FSTL5: variants seen among roughly 807,000 people sequenced by gnomAD.
FSTL5 encodes follistatin-related protein 5.
In FSTL5, 62 loss-of-function variants were observed where a neutral mutation model predicts 89.1. That is an observed-to-expected ratio of 0.70 (90% CI 0.57 to 0.86). The LOEUF (loss-of-function observed/expected upper bound fraction) is 0.86. Among genes scored for constraint, FSTL5 ranks in the 40% least tolerant of loss-of-function variants. The pLI, the probability that FSTL5 is intolerant of heterozygous loss-of-function variation, is 0.00. For missense variants in FSTL5, 1,057 were observed against 1,001.6 expected, an observed-to-expected ratio of 1.06 and a Z score of -0.75; for synonymous variants, 383 against 346.2, an observed-to-expected ratio of 1.11 and a Z score of -1.18.
chr4:161,845,456 A>G (rs1044351151), intron 4 of FSTL5, among the ~76,000 whole-genome samples: 2 of 152,202 alleles, frequency 1.3e-5, no homozygotes, highest in Admixed American at 6.5e-5. Flanking sequence ...TTAATAGACA[A>G]TTGGATTTCT....
intron 2 of FSTL5, among the ~76,000 whole-genome samples, chr4:162,041,429 A>G (rs527443803): frequency 2.0e-5 from 3 of 152,078 alleles, no homozygotes; most frequent in Admixed American, 6.6e-5. Context: ...AAATGAAAGT[A>G]ATTTTCTTAT....
intron 6 of FSTL5, among the ~76,000 whole-genome samples, chr4:161,712,901 G>A (rs965393325): frequency 7.2e-5 from 11 of 152,044 alleles, no homozygotes; most frequent in African/African-American, 2.7e-4. Context: ...CTTCCACCAT[G>A]ATTGTAAGCT....
At chr4:161,545,617 G>T (rs1168071911) in intron 8 of FSTL5, among the ~76,000 whole-genome samples, 1 of 151,858 alleles carries the variant, frequency 6.6e-6, no homozygotes, top group African/African-American at 2.4e-5. Context: ...AAGTAAATGG[G>T]CTTAGTATTG....
chr4:161,811,262 T>C (rs553723281), intron 4 of FSTL5, among the ~76,000 whole-genome samples: 17 of 152,048 alleles, frequency 1.1e-4, no homozygotes, highest in Admixed American at 2.0e-4. Context: ...AATGGAGAAG[T>C]ACAATTTTAT....
chr4:162,097,561 C>T (rs1264615533), intron 2 of FSTL5, among the ~76,000 whole-genome samples: 1 of 151,566 alleles, frequency 6.6e-6, no homozygotes, highest in Non-Finnish European at 1.5e-5. Context: ...GTAAGTATTC[C>T]TATAAGCTAA....
intron 5 of FSTL5, among the ~76,000 whole-genome samples, chr4:161,768,991 A>T (rs1741112741): frequency 6.6e-6 from 1 of 151,990 alleles, no homozygotes; most frequent in Admixed American, 6.6e-5. Flanking sequence ...AATAAAAATC[A>T]GAGATGAAAA....
intron 2 of FSTL5, among the ~76,000 whole-genome samples, chr4:162,084,705 T>A (rs12108280): frequency 0.038 from 5,830 of 152,056 alleles, 163 homozygotes; most frequent in South Asian, 0.096. Context: ...TTCTCACTCA[T>A]AAGTGAGAGT....
chr4:161,591,894 G>C (rs1229776804), intron 7 of FSTL5, among the ~76,000 whole-genome samples: 1 of 152,158 alleles, frequency 6.6e-6, no homozygotes, highest in Non-Finnish European at 1.5e-5. Flanking sequence ...AGTTCCATTT[G>C]GCCTCTAATT....
At chr4:161,868,193 A>T (rs1230990632) in intron 4 of FSTL5, among the ~76,000 whole-genome samples, 1 of 152,210 alleles carries the variant, frequency 6.6e-6, no homozygotes, top group Non-Finnish European at 1.5e-5. Context: ...TTGAAATGAA[A>T]TAGAAATACT....
chr4:161,535,546 C>T (rs985504485), intron 10 of FSTL5, among the ~76,000 whole-genome samples: 3 of 152,028 alleles, frequency 2.0e-5, no homozygotes, highest in African/African-American at 4.8e-5. Flanking sequence ...TATCATCGCA[C>T]ACCAGTCAGA....
intron 8 of FSTL5, among the ~76,000 whole-genome samples, chr4:161,577,321 A>T (rs1733254117): frequency 6.6e-6 from 1 of 152,116 alleles, no homozygotes; most frequent in African/African-American, 2.4e-5. Flanking sequence ...GAAAATTGAC[A>T]TGATAGAGAA....
intron 2 of FSTL5, among the ~76,000 whole-genome samples, chr4:162,037,218 T>C (rs995937600): frequency 6.6e-6 from 1 of 151,784 alleles, no homozygotes; most frequent in African/African-American, 2.4e-5. Flanking sequence ...AAAATTTAGA[T>C]AGAAAGAAGA....
At chr4:161,972,911 T>C (rs936001536) in intron 3 of FSTL5, among the ~76,000 whole-genome samples, 9 of 152,202 alleles carry the variant, frequency 5.9e-5, no homozygotes, top group Non-Finnish European at 8.8e-5. Context: ...TTTACACACT[T>C]GTTTATAAAA....
At chr4:162,012,449 C>T (rs1208566769) in intron 3 of FSTL5, among the ~76,000 whole-genome samples, 1 of 152,012 alleles carries the variant, frequency 6.6e-6, no homozygotes, top group Admixed American at 6.6e-5. Flanking sequence ...TGGATTATTA[C>T]TGAATAGAAA....
Position 161,636,453 on chromosome 4 carries a change from T to C in FSTL5, c.894+19875A>G, listed in dbSNP as rs1191830235. On this transcript the variant is annotated intron_variant, in intron 7 of 15. Coordinates refer to ENST00000306100, the MANE Select transcript of FSTL5 (RefSeq NM_020116.5). ...TTTTGAATTCTGGCAGTTGTTTTTTTTTTTTTCTTTTTTTTTTTTTTATTA... is the reference window on the plus strand; with the variant it reads ...TTTTGAATTCTGGCAGTTGTTTTTTCTTTTTTCTTTTTTTTTTTTTTATTA... 5.4e-5 allele frequency among the ~76,000 whole-genome samples: 5 copies of C among 92,400 alleles called. No homozygotes were observed. In the East Asian group the frequency reaches 1.2e-3, roughly 23 times the overall value. The allele number at this position is 92,400 out of a possible 152,430, so 60.6% of individuals were successfully genotyped here.
intron 10 of FSTL5, among the ~76,000 whole-genome samples, chr4:161,513,275 GAGAGAGAGA>G (rs1560932048): frequency 2.7e-3 from 15 of 5,566 alleles, no homozygotes; most frequent in South Asian, 6.2e-3. Context: ...AGGAGGGGGA[GAGAGAGAGA>G]GAGAGAGAGA....
chr4:161,634,952 G>A (rs4434201), intron 7 of FSTL5, among the ~76,000 whole-genome samples: 26,192 of 151,994 alleles, frequency 0.17, 2,353 homozygotes, highest in Middle Eastern at 0.32. Flanking sequence ...TAATCCTTTC[G>A]CAATGTATAT....
chr4:161,614,459 G>A (rs1734769378), intron 7 of FSTL5, among the ~76,000 whole-genome samples: 1 of 152,122 alleles, frequency 6.6e-6, no homozygotes, highest in African/African-American at 2.4e-5. Context: ...CATTAAATCA[G>A]AAGTATGAAA....
intron 4 of FSTL5, among the ~76,000 whole-genome samples, chr4:161,877,392 T>C (rs1179435499): frequency 7.0e-6 from 1 of 142,084 alleles, no homozygotes; most frequent in Non-Finnish European, 1.5e-5. Context: ...AAAATTACTA[T>C]GATAATATAG....
Sources: gnomAD v4.1 joint callset for allele counts (sites outside exome capture counted in the v4.1 genomes callset) on GRCh38, gnomAD v4.1.1 for gene constraint, MANE v1.5 for transcripts, NCBI Gene and HGNC (gene_info 2026-07-23, HGNC 2026-07-21) for gene names.